CLSTN2: variants seen among roughly 807,000 people sequenced by gnomAD.
CLSTN2 encodes the protein calsyntenin 2, also known as calsyntenin-2.
In CLSTN2, 48 loss-of-function variants were observed where a neutral mutation model predicts 101.2. The ratio of observed to expected loss-of-function variants is 0.47; its 90% CI spans 0.38 to 0.60. The LOEUF (loss-of-function observed/expected upper bound fraction) is 0.60, where lower values mean the gene tolerates loss of function less well. CLSTN2 is among the 20% of genes least tolerant of loss of function. CLSTN2 has a pLI of 0.00. For synonymous variants in CLSTN2, 481 were observed against 463.6 expected (o/e 1.04, Z -0.48); for missense variants, 1,160 against 1,238.2 (o/e 0.94, Z 0.95).
At chr3:140,422,824 G>A (rs2088520437) in intron 5 of CLSTN2, among the ~76,000 whole-genome samples, 1 of 152,160 alleles carries the variant, frequency 6.6e-6, no homozygotes, top group Non-Finnish European at 1.5e-5. Context: ...CTCAAGCTTG[G>A]TGCAGTGTCT....
intron 1 of CLSTN2, among the ~76,000 whole-genome samples, chr3:139,993,126 T>C (rs532622150): frequency 6.6e-6 from 1 of 152,290 alleles, no homozygotes; most frequent in African/African-American, 2.4e-5. Flanking sequence ...TCAGTCACTC[T>C]GGAATGCTGG....
At chr3:140,321,110 T>A (rs538616463) in intron 2 of CLSTN2, among the ~76,000 whole-genome samples, 1 of 152,332 alleles carries the variant, frequency 6.6e-6, no homozygotes, top group African/African-American at 2.4e-5. Flanking sequence ...GTGCCCTAGC[T>A]GACTGCTTGT....
chr3:140,250,630 G>A (rs993279640), intron 2 of CLSTN2, among the ~76,000 whole-genome samples: 3 of 152,204 alleles, frequency 2.0e-5, no homozygotes, highest in African/African-American at 7.2e-5. Context: ...CCCTGGAGGA[G>A]CAGACAGACA....
chr3:140,157,588 T>G (rs2009975951), intron 1 of CLSTN2, among the ~76,000 whole-genome samples: 1 of 152,202 alleles, frequency 6.6e-6, no homozygotes, highest in Non-Finnish European at 1.5e-5. Context: ...TGTAATGTCA[T>G]CTGTCATTTC....
chr3:140,230,457 C>T (rs2086360724), intron 2 of CLSTN2, among the ~76,000 whole-genome samples: 1 of 152,156 alleles, frequency 6.6e-6, no homozygotes, highest in Non-Finnish European at 1.5e-5. Flanking sequence ...TATGTTGAAA[C>T]TGTAAAACCC....
chr3:140,355,344 T>C (rs1202836316), intron 2 of CLSTN2, among the ~76,000 whole-genome samples: 1 of 152,210 alleles, frequency 6.6e-6, no homozygotes, highest in East Asian at 1.9e-4. Context: ...CATTTGAGTC[T>C]TGTTTTCTTT....
At chr3:139,994,424 G>A (rs971032692) in intron 1 of CLSTN2, among the ~76,000 whole-genome samples, 6 of 152,186 alleles carry the variant, frequency 3.9e-5, no homozygotes, top group African/African-American at 1.4e-4. Context: ...AGGAAACTGA[G>A]AAATGATGCC....
chr3:140,437,688 C>T (rs2088702279), intron 5 of CLSTN2, among the ~76,000 whole-genome samples: 1 of 152,170 alleles, frequency 6.6e-6, no homozygotes, highest in Non-Finnish European at 1.5e-5. Context: ...GTTTCTCAGG[C>T]AAGACTTATG....
chr3:140,257,719 C>T (rs1331637648), intron 2 of CLSTN2, among the ~76,000 whole-genome samples: 1 of 152,088 alleles, frequency 6.6e-6, no homozygotes, highest in Non-Finnish European at 1.5e-5. Flanking sequence ...TGTTCTGACA[C>T]ATTGATGTGT....
chr3:140,012,105 T>C (rs1576396388), intron 1 of CLSTN2, among the ~76,000 whole-genome samples: 1 of 151,652 alleles, frequency 6.6e-6, no homozygotes, highest in African/African-American at 2.4e-5. Flanking sequence ...GACGGGAGGG[T>C]GCTCTCTATG....
intron 2 of CLSTN2, among the ~76,000 whole-genome samples, chr3:140,178,286 C>T (rs1362642002): frequency 6.6e-6 from 1 of 151,982 alleles, no homozygotes; most frequent in Non-Finnish European, 1.5e-5. Context: ...TTTGGACTTA[C>T]AAAAGGTTAT....
rs150929878 is a variant in CLSTN2 at position 140,558,157 on chromosome 3, A to G, written c.1824-483A>G. ...TGTATCAGGAGAAAGGAGGATGATT[A>G]CAATAGCACTTTGCTCTCACACCTA... On this transcript the variant is annotated intron_variant, in intron 11 of 16. Coordinates refer to ENST00000458420, the MANE Select transcript of CLSTN2 (RefSeq NM_022131.3). 1.8e-4 allele frequency among the ~76,000 whole-genome samples: 28 copies of G among 152,336 alleles called. No homozygotes were observed. The East Asian group carries it at 5.0e-3, about 27-fold the overall frequency.
chr3:139,948,543 G>A (rs181573949), intron 1 of CLSTN2, among the ~76,000 whole-genome samples: 13 of 152,224 alleles, frequency 8.5e-5, no homozygotes, highest in African/African-American at 3.1e-4. Context: ...CCAAGGGCTT[G>A]CTATGAGCCA....
chr3:140,149,228 A>T (rs73868758), intron 1 of CLSTN2, among the ~76,000 whole-genome samples: 9,361 of 152,184 alleles, frequency 0.062, 777 homozygotes, highest in African/African-American at 0.19. Flanking sequence ...GTATATCTCA[A>T]GTATCTACTC....
chr3:140,370,449 A>G (rs2087840599), intron 2 of CLSTN2, among the ~76,000 whole-genome samples: 1 of 151,720 alleles, frequency 6.6e-6, no homozygotes, highest in African/African-American at 2.4e-5. Context: ...CGTCTGGCAT[A>G]TGGTAGGTGC....
intron 13 of CLSTN2, 72 bp downstream of exon 13, chr3:140,562,380 TGAGATTGCACCTGTGAAGGAGCA>T (rs1935934935): frequency 9.8e-6 from 14 of 1,422,012 alleles, no homozygotes; most frequent in South Asian, 7.9e-5. Context: ...GAGACATGAG[TGAGATTGCACCTGTGAAGGAGCA>T]CTGTGAAGCC....
chr3:140,342,029 A>T lies in CLSTN2; in HGVS notation c.233-61600A>T, dbSNP rs2087498864. Among the ~76,000 whole-genome samples, 3 of 152,156 alleles carry T rather than the reference A, an allele frequency of 2.0e-5. No individual in the cohort carries two copies. In the South Asian group the frequency reaches 6.2e-4, roughly 32 times the overall value. On this transcript the variant is annotated intron_variant, in intron 2 of 16. Transcript: ENST00000458420. ...GCTTCACTTATTTAACATCTGAAAG[A>T]GAAGAAAAAGAGTCTTCAGTTATAC...
At chr3:140,274,501 C>T (rs1307939835) in intron 2 of CLSTN2, among the ~76,000 whole-genome samples, 1 of 152,110 alleles carries the variant, frequency 6.6e-6, no homozygotes. Context: ...AGTAATAGAA[C>T]AAAAAGGTAG....
intron 1 of CLSTN2, among the ~76,000 whole-genome samples, chr3:140,154,277 G>T (rs547226112): frequency 6.6e-6 from 1 of 152,226 alleles, no homozygotes; most frequent in East Asian, 1.9e-4. Flanking sequence ...CTGGCCTTCT[G>T]GTTGGGGGAA....
Sources: gnomAD v4.1 joint callset for allele counts (sites outside exome capture counted in the v4.1 genomes callset) on GRCh38, gnomAD v4.1.1 for gene constraint, MANE v1.5 for transcripts, NCBI Gene and HGNC (gene_info 2026-07-23, HGNC 2026-07-21) for gene names.